The following PRR16 variants were observed in gnomAD, a reference collection of about 807,000 sequenced individuals.
The protein encoded by PRR16 is proline rich 16, also known as protein Largen.
In PRR16, 6 loss-of-function variants were observed where a neutral mutation model predicts 18.2. The ratio of observed to expected loss-of-function variants is 0.33; its 90% CI spans 0.18 to 0.65. PRR16 has a LOEUF of 0.65. Ranked by LOEUF, PRR16 falls within the 30% of genes least tolerant of loss-of-function variation. The pLI, the probability that PRR16 is intolerant of heterozygous loss-of-function variation, is 0.74. For synonymous variants in PRR16, 151 were observed against 147.8 expected, an observed-to-expected ratio of 1.02 and a Z score of -0.16; for missense variants, 412 against 376.6, an observed-to-expected ratio of 1.09 and a Z score of -0.78.
At chr5:120,779,556 G>C in the PRR16 span, among the ~76,000 whole-genome samples, 1 of 152,088 alleles carries the variant, frequency 6.6e-6, no homozygotes, top group Non-Finnish European at 1.5e-5. Flanking sequence ...TTCGCATTTC[G>C]TGTGCTTTTC....
chr5:120,568,976 C>T (rs1173530561), intron 1 of PRR16, among the ~76,000 whole-genome samples: 1 of 152,018 alleles, frequency 6.6e-6, no homozygotes, highest in African/African-American at 2.4e-5. Context: ...CTTTTTTATG[C>T]CCCAACTTCT....
At chr5:120,480,060 G>C (rs1176459502) in intron 1 of PRR16, among the ~76,000 whole-genome samples, 1 of 152,110 alleles carries the variant, frequency 6.6e-6, no homozygotes. Flanking sequence ...ATTCGATACT[G>C]AAACCTTATT....
chr5:120,770,924 A>ACT, the PRR16 span, among the ~76,000 whole-genome samples: 3 of 38,532 alleles, frequency 7.8e-5, no homozygotes, highest in African/African-American at 8.7e-5. Context: ...ACTCATTGGA[A>ACT]CACTCTCTCT....
At chr5:120,523,076 C>CT (rs1324185800) in intron 1 of PRR16, among the ~76,000 whole-genome samples, 1 of 152,086 alleles carries the variant, frequency 6.6e-6, no homozygotes, top group Non-Finnish European at 1.5e-5. Flanking sequence ...ATCCCAGGCT[C>CT]TAAGATTCTA....
intron 1 of PRR16, among the ~76,000 whole-genome samples, chr5:120,668,418 T>C (rs954245880): frequency 4.7e-5 from 7 of 149,642 alleles, no homozygotes; most frequent in African/African-American, 7.4e-5. Flanking sequence ...AATTTGCCAT[T>C]CTGTGTCTTT....
intron 1 of PRR16, among the ~76,000 whole-genome samples, chr5:120,600,729 C>T (rs1316608875): frequency 1.3e-5 from 2 of 151,744 alleles, no homozygotes; most frequent in African/African-American, 2.4e-5. Context: ...CTATTCTTAC[C>T]CTCTCTTTGC....
Position 120,510,662 on chromosome 5 carries a change from A to C in PRR16, c.159+46017A>C, listed in dbSNP as rs1750798037. Among the ~76,000 whole-genome samples, 4 of 152,298 alleles carry C rather than the reference A, an allele frequency of 2.6e-5. No homozygotes were observed. The South Asian group carries it at 8.3e-4, about 32-fold the overall frequency. On this transcript the variant is annotated intron_variant, in intron 1 of 1. Coordinates refer to ENST00000407149, the MANE Select transcript of PRR16 (RefSeq NM_001300783.2). The stretch of plus-strand genomic sequence containing the variant: ...ACTGGGTGATGGGTGGGGACTTAAA[A>C]ATGATTTAATTACATAAATGACTTC...
the PRR16 span, among the ~76,000 whole-genome samples, chr5:120,709,625 C>T: frequency 6.6e-6 from 1 of 152,130 alleles, no homozygotes; most frequent in Non-Finnish European, 1.5e-5. Flanking sequence ...ACCAAACCCT[C>T]TTCCTCCCTA....
At chr5:120,661,763 T>G (rs1756180782) in intron 1 of PRR16, among the ~76,000 whole-genome samples, 1 of 152,066 alleles carries the variant, frequency 6.6e-6, no homozygotes, top group East Asian at 1.9e-4. Flanking sequence ...TTCCAAAGTC[T>G]GTATTTCCCC....
At chr5:120,502,559 C>T (rs10478473) in intron 1 of PRR16, among the ~76,000 whole-genome samples, 44,984 of 151,834 alleles carry the variant, frequency 0.3, 7,762 homozygotes, top group African/African-American at 0.48. Flanking sequence ...GAAGGATAAC[C>T]GATACAGGAA....
intron 1 of PRR16, among the ~76,000 whole-genome samples, chr5:120,574,533 G>C (rs905216900): frequency 1.3e-4 from 20 of 149,744 alleles, no homozygotes; most frequent in Non-Finnish European, 2.6e-4. Flanking sequence ...GAACCCGAGA[G>C]GCAGAGGTTG....
At chr5:120,700,150 G>T in the PRR16 span, among the ~76,000 whole-genome samples, 57 of 152,224 alleles carry the variant, frequency 3.7e-4, 1 homozygote, top group East Asian at 1.5e-3. Context: ...CCACGGGGTG[G>T]ATAGGCAAAA....
At chr5:120,588,663 A>C (rs144297649) in intron 1 of PRR16, among the ~76,000 whole-genome samples, 1 of 152,206 alleles carries the variant, frequency 6.6e-6, no homozygotes, top group Non-Finnish European at 1.5e-5. Context: ...AACAGAAAAA[A>C]TAGTATGGCT....
chr5:120,755,959 C>T, the PRR16 span, among the ~76,000 whole-genome samples: 5 of 152,140 alleles, frequency 3.3e-5, no homozygotes, highest in South Asian at 8.3e-4. Context: ...GTTTAAATAC[C>T]CTCTAGTGGT....
At chr5:120,552,302 A>G (rs1396817721) in intron 1 of PRR16, among the ~76,000 whole-genome samples, 3 of 151,944 alleles carry the variant, frequency 2.0e-5, no homozygotes, top group Admixed American at 2.0e-4. Context: ...TGCACTGGGA[A>G]CTAGGTGCTT....
chr5:120,664,906 G>A lies in PRR16; in HGVS notation c.160-21048G>A, dbSNP rs374152434. ...AGTCTTTGCTATTGTGAATAGTGCC[G>A]CAATAAACATATGTGTGCATGTATC... On this transcript the variant is annotated intron_variant, in intron 1 of 1. Coordinates refer to ENST00000407149, the MANE Select transcript of PRR16 (RefSeq NM_001300783.2). 1.4e-4 allele frequency among the ~76,000 whole-genome samples: 22 copies of A among 151,862 alleles called. No individual in the cohort carries two copies. The East Asian group carries it at 2.9e-3, about 20-fold the overall frequency.
the PRR16 span, among the ~76,000 whole-genome samples, chr5:120,719,762 A>G: frequency 2.6e-5 from 4 of 152,202 alleles, no homozygotes; most frequent in South Asian, 8.3e-4. Flanking sequence ...CACAGATATT[A>G]TGACCCTTGT....
intron 1 of PRR16, among the ~76,000 whole-genome samples, chr5:120,498,400 C>T (rs899636629): frequency 6.7e-6 from 1 of 149,966 alleles, no homozygotes; most frequent in African/African-American, 2.4e-5. Context: ...TCTTGTATTG[C>T]CATTTTGTCA....
chr5:120,735,601 C>G, the PRR16 span, among the ~76,000 whole-genome samples: 1 of 152,042 alleles, frequency 6.6e-6, no homozygotes, highest in Non-Finnish European at 1.5e-5. Flanking sequence ...TGCTTGTTGG[C>G]CATTTGCATA....
Sources: allele counts gnomAD v4.1 joint callset (sites outside exome capture counted in the v4.1 genomes callset), GRCh38; gene constraint gnomAD v4.1.1; transcripts MANE v1.5; gene names NCBI Gene and HGNC (gene_info 2026-07-23, HGNC 2026-07-21).